Variants in ARHGAP44 observed in about 807,000 individuals in gnomAD.
ARHGAP44 encodes the protein Rho GTPase activating protein 44.
ARHGAP44 carries 43 observed loss-of-function variants against 106.8 expected under a neutral mutation model. That is an observed-to-expected ratio of 0.40 (90% CI 0.32 to 0.52). ARHGAP44 has a LOEUF of 0.52. Among genes scored for constraint, ARHGAP44 ranks in the 20% least tolerant of loss-of-function variants. ARHGAP44 has a pLI of 0.48. For missense variants in ARHGAP44, 866 were observed against 1,050.5 expected (o/e 0.82, Z 2.43); for synonymous variants, 439 against 410.3 (o/e 1.07, Z -0.85).
chr17:12,965,106 G>A (rs1326520408), intron 16 of ARHGAP44, among the ~76,000 whole-genome samples: 2 of 152,148 alleles, frequency 1.3e-5, no homozygotes, highest in African/African-American at 4.8e-5. Context: ...ACCCACGGAT[G>A]TCAAGGCCCT....
chr17:12,796,136 ATATCTATCTATC>A (rs67730348), intron 1 of ARHGAP44, among the ~76,000 whole-genome samples: 47 of 150,324 alleles, frequency 3.1e-4, no homozygotes, highest in Non-Finnish European at 5.2e-4. Context: ...TTTGAGAAGT[ATATCTATCTATC>A]TATCTATCTA....
chr17:12,925,562 C>T (rs1044249390), intron 6 of ARHGAP44, among the ~76,000 whole-genome samples: 4 of 152,144 alleles, frequency 2.6e-5, no homozygotes, highest in African/African-American at 9.7e-5. Context: ...ATTCCTGGTA[C>T]CTGAAATTTT....
chr17:12,940,947 G>C (rs541466335), intron 7 of ARHGAP44, 109 bp from the exon 8 acceptor site: 1 of 825,636 alleles, frequency 1.2e-6, no homozygotes, highest in African/African-American at 1.7e-5. Flanking sequence ...TATTAAAAAG[G>C]AGATTAAGCA....
chr17:12,812,278 T>C (rs543030738), intron 1 of ARHGAP44, among the ~76,000 whole-genome samples: 18 of 152,264 alleles, frequency 1.2e-4, no homozygotes, highest in Admixed American at 2.0e-4. Flanking sequence ...GCCAGAAATA[T>C]CACGTATGGC....
intron 5 of ARHGAP44, among the ~76,000 whole-genome samples, chr17:12,917,942 A>G (rs1247477589): frequency 1.3e-5 from 2 of 152,180 alleles, no homozygotes; most frequent in African/African-American, 4.8e-5. Context: ...ACATCCCCTG[A>G]CACTCTCTCT....
chr17:12,859,032 A>G (rs1266225473), intron 1 of ARHGAP44, among the ~76,000 whole-genome samples: 3 of 152,152 alleles, frequency 2.0e-5, no homozygotes, highest in Non-Finnish European at 2.9e-5. Context: ...CCCACAGTGA[A>G]TGGGAATTAT....
Position 12,789,911 on chromosome 17 carries a change from C to A in ARHGAP44, c.53+20C>A. On this transcript the variant is annotated intron_variant, in intron 1 of 20. Transcript: ENST00000379672. ...GGGCAGGTAGGTCACCCGCGGGCAC[C>A]GCTGTCGGTGCGCGCCCGCGAGGCT... is the stretch of plus-strand genomic sequence containing the variant. 1 of 1,509,868 alleles carries A rather than the reference C, an allele frequency of 6.6e-7. No homozygotes were observed. The highest frequency in any genetic ancestry group is 2.8e-5 in the East Asian group (1 of 35,350). 93.5% of individuals were successfully genotyped at this position (1,509,868 alleles called of 1,614,324 possible). A position where few individuals can be genotyped will look rare whatever the true frequency, so the allele number is the denominator to read the frequency against.
chr17:12,915,963 G>C lies in ARHGAP44; in HGVS notation c.339G>C (p.Glu113Asp). The C allele has an allele frequency of 6.2e-7, 1 of 1,613,958 alleles. No homozygotes were observed. The highest frequency in any genetic ancestry group is 8.5e-7 in the Non-Finnish European group (1 of 1,179,874). The part of the protein sequence containing the change: ...DKLAQELIHF[E>D]LQVERDVIEP... Reference sequence around the variant, plus strand: ...TGGCTCAGGAGCTGATACATTTTGAGTTGCAAGTAGAGAGAGACGTGATTG... The same window carrying C: ...TGGCTCAGGAGCTGATACATTTTGACTTGCAAGTAGAGAGAGACGTGATTG... The change falls in exon 5 of 21, where the codon GAG becomes GAC. Residue 113 changes from glutamate (E) to aspartate (D), a missense_variant. Physicochemically the swap from Glu to Asp is conservative, Grantham distance 45 (BLOSUM62 2). Around this residue, in one of 2 missense-constraint regions of ARHGAP44, gnomAD observed 448 missense variants for 646.9 expected, o/e 0.69. Coordinates refer to ENST00000379672, the MANE Select transcript of ARHGAP44 (RefSeq NM_014859.6).
intron 1 of ARHGAP44, among the ~76,000 whole-genome samples, chr17:12,852,049 T>C (rs2035760915): frequency 6.6e-6 from 1 of 150,580 alleles, no homozygotes; most frequent in Admixed American, 6.6e-5. Flanking sequence ...TTGGAGTCAT[T>C]TGAGTGGATG....
At chr17:12,808,686 A>G (rs1367553586) in intron 1 of ARHGAP44, among the ~76,000 whole-genome samples, 1 of 152,196 alleles carries the variant, frequency 6.6e-6, no homozygotes, top group Non-Finnish European at 1.5e-5. Context: ...CATGCCCATG[A>G]TAGGAGGGAC....
chr17:12,895,097 C>T, intron 2 of ARHGAP44, 118 bp downstream of exon 2: 1 of 849,148 alleles, frequency 1.2e-6, no homozygotes, highest in South Asian at 1.6e-5. Flanking sequence ...TGCCACTACA[C>T]TCCAGCCTGG....
chr17:12,847,552 C>T lies in ARHGAP44; in HGVS notation c.54-47388C>T, dbSNP rs185670116. The stretch of plus-strand genomic sequence containing the variant: ...TTTTTGAGACGGAGTCTCCCTCTGT[C>T]GCCCAGGCTGGAGTGCAGTGGTGCG... On this transcript the variant is annotated intron_variant, in intron 1 of 20. Transcript: ENST00000379672. 2.2e-3 allele frequency among the ~76,000 whole-genome samples: 304 copies of T among 137,108 alleles called. 2 individuals carry two copies. Among genetic ancestry groups the T allele is most frequent in the South Asian group, 8.9e-3 (39 of 4,400 alleles). 89.9% of individuals were successfully genotyped at this position (137,108 alleles called of 152,430 possible).
intron 1 of ARHGAP44, among the ~76,000 whole-genome samples, chr17:12,802,068 C>T (rs373286684): frequency 2.0e-5 from 3 of 152,100 alleles, no homozygotes; most frequent in South Asian, 2.1e-4. Flanking sequence ...CTGGAAGGGA[C>T]GTGATGTCAG....
At chr17:12,842,852 G>A (rs2035455725) in intron 1 of ARHGAP44, among the ~76,000 whole-genome samples, 2 of 152,194 alleles carry the variant, frequency 1.3e-5, no homozygotes, top group African/African-American at 2.4e-5. Flanking sequence ...CAGGTGGTAT[G>A]TGGAAATAGC....
Position 12,984,617 on chromosome 17 carries a change from C to T in ARHGAP44, c.2026C>T (p.Pro676Ser), listed in dbSNP as rs760599717. ...AGACCAGTCCGCTGGCCAGCCGTCC[C>T]CAGTCAGCCTGTCCCCCACCCCGCC... Reference protein sequence around the residue: ...MADQSAGQPSPVSLSPTPPST... With the variant: ...MADQSAGQPSSVSLSPTPPST... The change falls in exon 20 of 21, where the codon CCA becomes TCA. Residue 676 changes from proline to serine, a missense_variant. Coordinates refer to ENST00000379672, the MANE Select transcript of ARHGAP44 (RefSeq NM_014859.6). The T allele has an allele frequency of 1.2e-6, 2 of 1,611,252 alleles. No individual in the cohort carries two copies. Among genetic ancestry groups the T allele is most frequent in the Non-Finnish European group, 1.7e-6 (2 of 1,179,006 alleles).
At chr17:12,940,199 C>T (rs191869576) in intron 7 of ARHGAP44, among the ~76,000 whole-genome samples, 1 of 150,142 alleles carries the variant, frequency 6.7e-6, no homozygotes, top group East Asian at 2.0e-4. Flanking sequence ...AACTGAGTGC[C>T]TCTTCTAAGG....
At chr17:12,912,489 C>T (rs2037768802) in intron 4 of ARHGAP44, among the ~76,000 whole-genome samples, 1 of 152,008 alleles carries the variant, frequency 6.6e-6, no homozygotes, top group Non-Finnish European at 1.5e-5. Context: ...AACAGGAGTT[C>T]TTAGAAAAGA....
At chr17:12,974,341 C>T in intron 18 of ARHGAP44, 31 bp downstream of exon 18, 4 of 1,383,084 alleles carry the variant, frequency 2.9e-6, no homozygotes, top group Non-Finnish European at 3.7e-6. Context: ...TCCGGGCGGG[C>T]TGGTGTGCGG....
intron 18 of ARHGAP44, among the ~76,000 whole-genome samples, chr17:12,976,025 A>G (rs2039672165): frequency 6.6e-6 from 1 of 152,038 alleles, no homozygotes; most frequent in African/African-American, 2.4e-5. Flanking sequence ...GTTTGTTTCT[A>G]TCTTTTCTCA....
Sources: allele counts gnomAD v4.1 joint callset (sites outside exome capture counted in the v4.1 genomes callset), GRCh38; gene constraint gnomAD v4.1.1; regional missense constraint gnomAD v4.1.1; transcripts MANE v1.5; gene names NCBI Gene and HGNC (gene_info 2026-07-23, HGNC 2026-07-21).